Variants in NTRK2 observed in about 807,000 individuals in gnomAD.
NTRK2 encodes BDNF/NT-3 growth factors receptor.
In NTRK2, 13 loss-of-function variants were observed where a neutral mutation model predicts 94.5. That is an observed-to-expected ratio of 0.14 (90% CI 0.09 to 0.22). NTRK2 has a LOEUF of 0.22. NTRK2 is among the 10% of genes least tolerant of loss of function. The pLI is 1.00. For synonymous variants in NTRK2, 372 were observed against 407.4 expected (o/e 0.91, Z 1.05); for missense variants, 639 against 1,071.2 (o/e 0.60, Z 5.63).
intron 12 of NTRK2, among the ~76,000 whole-genome samples, chr9:84,782,654 G>A (rs565337107): frequency 3.9e-5 from 6 of 152,268 alleles, no homozygotes; most frequent in East Asian, 1.9e-4. Flanking sequence ...CCATTAAGCC[G>A]TGGATATGGC....
At chr9:84,894,031 G>A (rs1251465722) in intron 14 of NTRK2, among the ~76,000 whole-genome samples, 2 of 152,066 alleles carry the variant, frequency 1.3e-5, no homozygotes, top group African/African-American at 4.8e-5. Flanking sequence ...TCCGGGGGGC[G>A]CGGACTGAGT....
At chr9:84,776,261 G>T (rs1377766132) in intron 12 of NTRK2, among the ~76,000 whole-genome samples, 2 of 151,634 alleles carry the variant, frequency 1.3e-5, no homozygotes, top group Non-Finnish European at 2.9e-5. Context: ...TCACTCTGTC[G>T]CCCAGGCTGG....
chr9:84,895,910 T>C (rs1001538893), intron 14 of NTRK2, among the ~76,000 whole-genome samples: 1 of 152,250 alleles, frequency 6.6e-6, no homozygotes, highest in African/African-American at 2.4e-5. Flanking sequence ...AAGGGTGCCA[T>C]GGGGCATTCC....
intron 14 of NTRK2, among the ~76,000 whole-genome samples, chr9:84,928,814 C>T (rs1587961414): frequency 6.6e-6 from 1 of 152,186 alleles, no homozygotes; most frequent in Non-Finnish European, 1.5e-5. Context: ...ATTTCGGGAA[C>T]TCCCAGTACA....
intron 4 of NTRK2, among the ~76,000 whole-genome samples, chr9:84,703,094 G>A (rs1257656593): frequency 6.6e-6 from 1 of 152,184 alleles, no homozygotes; most frequent in Non-Finnish European, 1.5e-5. Flanking sequence ...GCTTTCCTGA[G>A]AGTTGTCTTC....
chr9:84,697,661 G>T (rs1001846278), intron 2 of NTRK2, among the ~76,000 whole-genome samples: 1 of 152,214 alleles, frequency 6.6e-6, no homozygotes, highest in Admixed American at 6.5e-5. Context: ...AGCAGGAGAG[G>T]CCAGGGCTGT....
intron 17 of NTRK2, among the ~76,000 whole-genome samples, chr9:84,969,889 C>T (rs1177679552): frequency 6.6e-6 from 1 of 152,108 alleles, no homozygotes; most frequent in East Asian, 1.9e-4. Context: ...CACGAATGCT[C>T]ATTAGACATG....
At chr9:84,750,649 C>G (rs1428087340) in intron 11 of NTRK2, among the ~76,000 whole-genome samples, 1 of 152,222 alleles carries the variant, frequency 6.6e-6, no homozygotes, top group Non-Finnish European at 1.5e-5. Context: ...TCATGCTCCA[C>G]CGGCAGAGCT....
At chr9:84,935,633 G>A (rs2078189502) in intron 15 of NTRK2, among the ~76,000 whole-genome samples, 1 of 152,056 alleles carries the variant, frequency 6.6e-6, no homozygotes, top group Non-Finnish European at 1.5e-5. Flanking sequence ...AGAGAGAGAG[G>A]AGAGAGGAGA....
chr9:84,810,400 A>C (rs987601117), intron 12 of NTRK2: 1 of 794,600 alleles, frequency 1.3e-6, no homozygotes, highest in Non-Finnish European at 2.1e-6. Flanking sequence ...ATATTGCTCT[A>C]TGGTTTAAAG....
intron 12 of NTRK2, among the ~76,000 whole-genome samples, chr9:84,782,473 G>C (rs968271082): frequency 6.6e-6 from 1 of 152,098 alleles, no homozygotes; most frequent in African/African-American, 2.4e-5. Context: ...TGTGGCTGTC[G>C]CTCTAGCAGA....
At chr9:84,809,431 T>C (rs1396249939) in intron 12 of NTRK2, among the ~76,000 whole-genome samples, 1 of 148,474 alleles carries the variant, frequency 6.7e-6, no homozygotes, top group Non-Finnish European at 1.5e-5. Flanking sequence ...TATATACATA[T>C]ACTATATGTC....
At chr9:85,020,069 A>G (rs1380378604) in intron 17 of NTRK2, 137 bp from the exon 18 acceptor site, 4 of 901,412 alleles carry the variant, frequency 4.4e-6, no homozygotes, top group Non-Finnish European at 7.4e-6. Context: ...TGAAGAAGTC[A>G]TATATCCTTT....
intron 12 of NTRK2, among the ~76,000 whole-genome samples, chr9:84,803,991 G>T (rs747035937): frequency 6.6e-6 from 1 of 152,134 alleles, no homozygotes; most frequent in Non-Finnish European, 1.5e-5. Flanking sequence ...AGAGACATCG[G>T]CCACACATAA....
At chr9:84,819,267 G>A (rs2072625511) in intron 12 of NTRK2, among the ~76,000 whole-genome samples, 1 of 152,144 alleles carries the variant, frequency 6.6e-6, no homozygotes, top group Non-Finnish European at 1.5e-5. Context: ...ATAGGCCACG[G>A]CTGTTTGCTT....
chr9:84,755,400 C>T (rs1373686108), intron 12 of NTRK2, among the ~76,000 whole-genome samples: 3 of 152,130 alleles, frequency 2.0e-5, no homozygotes, highest in Non-Finnish European at 2.9e-5. Flanking sequence ...AGAAGATTTT[C>T]AACTCCGTCC....
At chr9:84,730,712 G>C (rs2062796898) in intron 9 of NTRK2, among the ~76,000 whole-genome samples, 1 of 104,102 alleles carries the variant, frequency 9.6e-6, no homozygotes, top group South Asian at 3.0e-4. Flanking sequence ...CTGCACTCCA[G>C]CCTGGGCGAC....
At chr9:84,956,983 G>A (rs1164332630) in intron 17 of NTRK2, among the ~76,000 whole-genome samples, 2 of 152,094 alleles carry the variant, frequency 1.3e-5, no homozygotes, top group African/African-American at 2.4e-5. Flanking sequence ...AACTTCAGGT[G>A]TTCAAAATGT....
intron 12 of NTRK2, among the ~76,000 whole-genome samples, chr9:84,819,671 T>TC (rs2072659027): frequency 6.6e-6 from 1 of 152,122 alleles, no homozygotes; most frequent in African/African-American, 2.4e-5. Context: ...TCTGTTGTGT[T>TC]CCCCCTGTGG....
Sources: gnomAD v4.1 joint callset for allele counts (sites outside exome capture counted in the v4.1 genomes callset) on GRCh38, gnomAD v4.1.1 for gene constraint, MANE v1.5 for transcripts, NCBI Gene and HGNC (gene_info 2026-07-23, HGNC 2026-07-21) for gene names.